Variants in BCL2L15 observed in about 807,000 individuals in gnomAD.
BCL2L15 encodes the protein BCL2 like 15.
BCL2L15 carries 15 observed loss-of-function variants against 18.3 expected under a neutral mutation model. The ratio of observed to expected loss-of-function variants is 0.82; its 90% CI spans 0.55 to 1.26. The LOEUF (loss-of-function observed/expected upper bound fraction) is 1.26, where lower values mean the gene tolerates loss of function less well. Ranked by LOEUF, BCL2L15 falls within the 50% of genes most tolerant of loss-of-function variation. BCL2L15 has a pLI of 0.00. For missense variants in BCL2L15, 180 were observed against 201.7 expected, an observed-to-expected ratio of 0.89 and a Z score of 0.65; for synonymous variants, 58 against 68.5, an observed-to-expected ratio of 0.85 and a Z score of 0.76.
rs1666862267 is a variant in BCL2L15, at chr1:113,880,980, T to C, written c.*143A>G. 8.1e-7 allele frequency: 1 copy of C among 1,229,836 alleles called. No homozygotes were observed. Among genetic ancestry groups the C allele is most frequent in the Admixed American group, 2.1e-5 (1 of 46,784 alleles). 76.2% of individuals were successfully genotyped at this position (1,229,836 alleles called of 1,614,324 possible). A position where few individuals can be genotyped will look rare whatever the true frequency, so the allele number is the denominator to read the frequency against. On this transcript the variant is annotated 3_prime_UTR_variant, in exon 4 of 4. Coordinates refer to ENST00000393316, the MANE Select transcript of BCL2L15 (RefSeq NM_001010922.3). ...AGCTGCTCCCAACTTTAACAATCAGTAAAAAATAACTTATTCAGCTAAGTT... is the reference window on the plus strand; with the variant it reads ...AGCTGCTCCCAACTTTAACAATCAGCAAAAAATAACTTATTCAGCTAAGTT...
rs548671671 is a variant in BCL2L15 at position 113,884,869 on chromosome 1, G to A, written c.249+1668C>T. Among the ~76,000 whole-genome samples the A allele has an allele frequency of 2.6e-5, 4 of 151,668 alleles. No individual in the cohort carries two copies. The South Asian group carries it at 8.3e-4, about 32-fold the overall frequency. Reference sequence around the variant, plus strand: ...GGCTCACTGCAAACTCCCCCTCCCTGTCAAGCAATTCTCCTGTCTCAGCCT... The same window carrying A: ...GGCTCACTGCAAACTCCCCCTCCCTATCAAGCAATTCTCCTGTCTCAGCCT... On this transcript the variant is annotated intron_variant, in intron 2 of 3. Coordinates refer to ENST00000393316, the MANE Select transcript of BCL2L15 (RefSeq NM_001010922.3).
In BCL2L15 at chr1:113,877,338, T is replaced by TAA. The variant is rs1238834030; in HGVS notation, c.*3783_*3784dup. Among the ~76,000 whole-genome samples, 2 of 138,352 alleles carry TAA rather than the reference T, an allele frequency of 1.4e-5. No homozygotes were observed. Among genetic ancestry groups the TAA allele is most frequent in the African/African-American group, 5.1e-5 (2 of 39,552 alleles). The allele number at this position is 138,352 out of a possible 152,430, so 90.8% of individuals were successfully genotyped here. On this transcript the variant is annotated 3_prime_UTR_variant, in exon 4 of 4. Transcript: ENST00000393316. Reference sequence around the variant, plus strand: ...CAGCTGAAGGTTTTTTTTTTTTTTTTAAAAAAAACAACCTTATTAAGGTAG... The same window carrying TAA: ...CAGCTGAAGGTTTTTTTTTTTTTTTTAAAAAAAAAACAACCTTATTAAGGTAG...
At chr1:113,881,562 G>A (rs1666879284) in intron 3 of BCL2L15, 5 of 1,406,146 alleles carry the variant, frequency 3.6e-6, no homozygotes, top group Non-Finnish European at 4.6e-6. Flanking sequence ...CAATATTTAA[G>A]GTAGCATGAC....
intron 2 of BCL2L15, among the ~76,000 whole-genome samples, chr1:113,884,349 C>T (rs1666968811): frequency 6.6e-6 from 1 of 152,122 alleles, no homozygotes; most frequent in South Asian, 2.1e-4. Flanking sequence ...ACAAGATAGA[C>T]CATAGTCTTC....
chr1:113,878,193 A>T lies in BCL2L15; in HGVS notation c.*2930T>A, dbSNP rs1440744539. ...TTTACAAAATGTATTTGTTTTATTT[A>T]TCTCTCACAAAAATCTTATTAATAA... On this transcript the variant is annotated 3_prime_UTR_variant, in exon 4 of 4. Coordinates refer to ENST00000393316, the MANE Select transcript of BCL2L15 (RefSeq NM_001010922.3). 1 of 152,234 alleles carries T rather than the reference A, an allele frequency of 6.6e-6. No individual in the cohort carries two copies. Among genetic ancestry groups the T allele is most frequent in the Non-Finnish European group, 1.5e-5 (1 of 68,034 alleles). The allele number at this position is 152,234 out of a possible 1,614,324, so 9.4% of individuals were successfully genotyped here. A position where few individuals can be genotyped will look rare whatever the true frequency, so the allele number is the denominator to read the frequency against.
At position 113,880,990 on chromosome 1, in the gene BCL2L15, C is replaced by G; in HGVS notation, c.*133G>C. 7.7e-7 allele frequency: 1 copy of G among 1,294,082 alleles called. No individual in the cohort carries two copies. The allele number at this position is 1,294,082 out of a possible 1,614,324, so 80.2% of individuals were successfully genotyped here. ...AACTTTAACAATCAGTAAAAAATAA[C>G]TTATTCAGCTAAGTTCAGTTCTGAT... On this transcript the variant is annotated 3_prime_UTR_variant, in exon 4 of 4. Coordinates refer to ENST00000393316, the MANE Select transcript of BCL2L15 (RefSeq NM_001010922.3).
Position 113,887,327 on chromosome 1 carries a change from T to C in BCL2L15, c.49A>G (p.Thr17Ala). The C allele has an allele frequency of 6.2e-7, 1 of 1,614,060 alleles. No homozygotes were observed. ...FEEQTECIVN[T>A]LLMDFLSPTL... ...GGGCTCAAGAAGTCCATGAGTAGAG[T>C]GTTCACAATGCATTCCGTTTGTTCC... The change falls in exon 1 of 4, where the codon ACT becomes GCT. Residue 17 changes from threonine (T) to alanine (A), a missense_variant. By Grantham distance (58) the Thr-to-Ala change is moderately conservative. Coordinates refer to ENST00000393316, the MANE Select transcript of BCL2L15 (RefSeq NM_001010922.3).
intron 3 of BCL2L15, 163 bp from the exon 4 acceptor site, chr1:113,881,303 G>A (rs1415053380): frequency 4.4e-6 from 5 of 1,149,280 alleles, no homozygotes; most frequent in Middle Eastern, 2.0e-4. Context: ...CATAAGTTCT[G>A]ATGATTACTA....
intron 1 of BCL2L15, 44 bp from the exon 2 acceptor site, chr1:113,886,702 G>C (rs770191608): frequency 6.5e-7 from 1 of 1,544,732 alleles, no homozygotes; most frequent in African/African-American, 1.4e-5. Context: ...TGAAGCAATG[G>C]CAAGTCCCAG....
Position 113,881,876 on chromosome 1 carries a change from G to A in BCL2L15, c.371C>T (p.Ala124Val). 6.2e-7 allele frequency: 1 copy of A among 1,614,218 alleles called. No homozygotes were observed. The highest frequency in any genetic ancestry group is 1.3e-5 in the African/African-American group (1 of 75,054). Residue 124 changes from alanine to valine, a missense_variant, in exon 3 of 4, where the codon GCT becomes GTT. Ala to Val is a moderately conservative substitution (Grantham distance 64). Coordinates refer to ENST00000393316, the MANE Select transcript of BCL2L15 (RefSeq NM_001010922.3). ...TCCCACTACTTCAGGAGCAATGTGA[G>A]CCATGTACTCAAGAAGTTTCACTGA... ...AVSVKLLEYM[A>V]HIAPEVVGQV...
At chr1:113,887,126 G>A in intron 1 of BCL2L15, 123 bp downstream of exon 1, 1 of 851,276 alleles carries the variant, frequency 1.2e-6, no homozygotes. Context: ...TCAAACCCCT[G>A]ACTTCAGGTG....
chr1:113,881,515 G>C, intron 3 of BCL2L15: 1 of 1,367,034 alleles, frequency 7.3e-7, no homozygotes, highest in South Asian at 1.8e-5. Context: ...ATGATTATGT[G>C]TAGGAAATGA....
chr1:113,880,051 G>A lies in BCL2L15; in HGVS notation c.*1072C>T, dbSNP rs1245891323. The stretch of plus-strand genomic sequence containing the variant: ...ATCAGCAATTCAATAAGGTCCACAA[G>A]TGGTGTGTGAACCACACTTTTAAAG... On this transcript the variant is annotated 3_prime_UTR_variant, in exon 4 of 4. Transcript: ENST00000393316. 6.6e-6 allele frequency: 1 copy of A among 152,238 alleles called. No homozygotes were observed. Among genetic ancestry groups the A allele is most frequent in the Admixed American group, 6.5e-5 (1 of 15,288 alleles). 9.4% of individuals were successfully genotyped at this position (152,238 alleles called of 1,614,324 possible). A position where few individuals can be genotyped will look rare whatever the true frequency, so the allele number is the denominator to read the frequency against.
intron 3 of BCL2L15, 87 bp downstream of exon 3, chr1:113,881,686 A>T: frequency 6.8e-7 from 1 of 1,464,202 alleles, no homozygotes; most frequent in Non-Finnish European, 9.1e-7. Context: ...TTTCCAATTT[A>T]CAAAAAGGGT....
Position 113,880,031 on chromosome 1 carries a change from C to G in BCL2L15, c.*1092G>C, listed in dbSNP as rs1222468868. On this transcript the variant is annotated 3_prime_UTR_variant, in exon 4 of 4. Transcript: ENST00000393316. Reference sequence around the variant, plus strand: ...CAGAATCTCTAGGAATGCGAATCAGCAATTCAATAAGGTCCACAAGTGGTG... The same window carrying G: ...CAGAATCTCTAGGAATGCGAATCAGGAATTCAATAAGGTCCACAAGTGGTG... 1 of 152,144 alleles carries G rather than the reference C, an allele frequency of 6.6e-6. No individual in the cohort carries two copies. Among genetic ancestry groups the G allele is most frequent in the Non-Finnish European group, 1.5e-5 (1 of 68,020 alleles). The allele number at this position is 152,144 out of a possible 1,614,324, so 9.4% of individuals were successfully genotyped here. A position where few individuals can be genotyped will look rare whatever the true frequency, so the allele number is the denominator to read the frequency against.
Position 113,877,446 on chromosome 1 carries a change from A to G in BCL2L15, c.*3677T>C, listed in dbSNP as rs531193754. On this transcript the variant is annotated 3_prime_UTR_variant, in exon 4 of 4. Coordinates refer to ENST00000393316, the MANE Select transcript of BCL2L15 (RefSeq NM_001010922.3). ...AATCATCACCCATAAAATCACTACAATCAAGATAATGAACATGTCTAATCA... is the reference window on the plus strand; with the variant it reads ...AATCATCACCCATAAAATCACTACAGTCAAGATAATGAACATGTCTAATCA... 6.6e-6 allele frequency among the ~76,000 whole-genome samples: 1 copy of G among 152,250 alleles called. No homozygotes were observed. Among genetic ancestry groups the G allele is most frequent in the Non-Finnish European group, 1.5e-5 (1 of 68,014 alleles).
At chr1:113,885,402 G>A (rs1487861823) in intron 2 of BCL2L15, among the ~76,000 whole-genome samples, 5 of 152,140 alleles carry the variant, frequency 3.3e-5, no homozygotes, top group African/African-American at 9.7e-5. Flanking sequence ...ATAGTAGGAC[G>A]AATAAAGCAT....
chr1:113,887,151 G>A, intron 1 of BCL2L15, 98 bp downstream of exon 1: 1 of 1,170,076 alleles, frequency 8.5e-7, no homozygotes, highest in South Asian at 1.4e-5. Flanking sequence ...ACCCACCTTG[G>A]CCTCCCAAAG....
At chr1:113,886,983 C>T (rs535762318) in intron 1 of BCL2L15, among the ~76,000 whole-genome samples, 12 of 151,936 alleles carry the variant, frequency 7.9e-5, no homozygotes, top group Non-Finnish European at 7.4e-5. Context: ...CTGCAACCTC[C>T]GCCTCCCAGG....
Sources: allele counts gnomAD v4.1 joint callset (sites outside exome capture counted in the v4.1 genomes callset), GRCh38; gene constraint gnomAD v4.1.1; transcripts MANE v1.5; gene names NCBI Gene and HGNC (gene_info 2026-07-23, HGNC 2026-07-21).